Variants in MAD1L1 observed in about 807,000 individuals in gnomAD.
MAD1L1 encodes the protein mitotic arrest deficient 1 like 1.
A neutral mutation model predicts 96.9 loss-of-function variants in MAD1L1; 95 were observed. The ratio of observed to expected loss-of-function variants is 0.98; its 90% CI spans 0.83 to 1.16. The LOEUF is 1.16. Ranked by LOEUF, MAD1L1 falls within the 50% of genes most tolerant of loss-of-function variation. MAD1L1 has a pLI of 0.00. For missense variants in MAD1L1, 1,007 were observed against 954.4 expected (o/e 1.06, Z -0.73); for synonymous variants, 473 against 396.6 (o/e 1.19, Z -2.29).
chr7:2,125,091 C>T (rs1278327825), intron 11 of MAD1L1, among the ~76,000 whole-genome samples: 2 of 152,200 alleles, frequency 1.3e-5, no homozygotes, highest in African/African-American at 4.8e-5. Flanking sequence ...CCCAGGAAGT[C>T]CCTGCTGTCA....
intron 11 of MAD1L1, among the ~76,000 whole-genome samples, chr7:2,069,966 C>A: frequency 6.6e-6 from 1 of 152,234 alleles, no homozygotes; most frequent in Non-Finnish European, 1.5e-5. Flanking sequence ...GTGCTCGTTG[C>A]CTGTCACCTA....
intron 18 of MAD1L1, among the ~76,000 whole-genome samples, chr7:1,838,366 C>T (rs1222644797): frequency 6.6e-6 from 1 of 152,226 alleles, no homozygotes; most frequent in Non-Finnish European, 1.5e-5. Flanking sequence ...TTTCCACACA[C>T]AAGCTTGTAC....
chr7:1,877,229 G>A lies in MAD1L1; in HGVS notation c.1998+20971C>T, dbSNP rs187354428. On this transcript the variant is annotated intron_variant, in intron 18 of 18. Coordinates refer to ENST00000265854, the MANE Select transcript of MAD1L1 (RefSeq NM_001013836.2). Reference sequence around the variant, plus strand: ...CAATTCTGGCCCACCGCCCGCTTTTGTAATAAAGTTTTACTGGCACACATT... The same window carrying A: ...CAATTCTGGCCCACCGCCCGCTTTTATAATAAAGTTTTACTGGCACACATT... 6.5e-3 allele frequency among the ~76,000 whole-genome samples: 988 copies of A among 152,228 alleles called. 7 individuals are homozygous for A. The highest frequency in any genetic ancestry group is 0.051 in the Middle Eastern group (15 of 294).
At chr7:2,174,610 T>G (rs1160332293) in intron 10 of MAD1L1, among the ~76,000 whole-genome samples, 1 of 152,208 alleles carries the variant, frequency 6.6e-6, no homozygotes, top group African/African-American at 2.4e-5. Flanking sequence ...CTTTTTTTTC[T>G]TTCCGGATCT....
At chr7:1,933,690 A>T (rs1789612381) in intron 17 of MAD1L1, among the ~76,000 whole-genome samples, 1 of 152,226 alleles carries the variant, frequency 6.6e-6, no homozygotes, top group African/African-American at 2.4e-5. Context: ...CTGCACTTTA[A>T]GTATCACTGC....
At chr7:2,077,478 A>T (rs937816125) in intron 11 of MAD1L1, among the ~76,000 whole-genome samples, 4 of 152,144 alleles carry the variant, frequency 2.6e-5, no homozygotes, top group African/African-American at 7.2e-5. Context: ...GCACCCCCAT[A>T]GGGCTGGGGG....
intron 15 of MAD1L1, among the ~76,000 whole-genome samples, chr7:1,971,652 T>TA (rs1454213393): frequency 1.3e-5 from 2 of 152,014 alleles, no homozygotes; most frequent in Non-Finnish European, 1.5e-5. Context: ...AAAACAAGGG[T>TA]AAAGGTTTTG....
intron 12 of MAD1L1, among the ~76,000 whole-genome samples, chr7:2,023,174 C>T (rs956856793): frequency 2.0e-5 from 3 of 152,162 alleles, no homozygotes; most frequent in African/African-American, 7.2e-5. Context: ...TCAATAGCCC[C>T]ATCAATCAAC....
intron 12 of MAD1L1, among the ~76,000 whole-genome samples, chr7:2,062,826 C>T (rs1784720975): frequency 6.6e-6 from 1 of 152,274 alleles, no homozygotes; most frequent in Non-Finnish European, 1.5e-5. Flanking sequence ...ACACCTCACA[C>T]GTCAGGTCAC....
At chr7:2,194,573 C>T (rs1791890541) in intron 10 of MAD1L1, among the ~76,000 whole-genome samples, 1 of 152,086 alleles carries the variant, frequency 6.6e-6, no homozygotes, top group South Asian at 2.1e-4. Flanking sequence ...AAGGCAGAGC[C>T]AACTAATTGT....
At chr7:1,907,980 C>T (rs149128986) in intron 17 of MAD1L1, among the ~76,000 whole-genome samples, 2,135 of 152,324 alleles carry the variant, frequency 0.014, 47 homozygotes, top group African/African-American at 0.049. Context: ...CGGCCCGTGA[C>T]CCCAGAGCTC....
rs141804278 is a variant in MAD1L1, at chr7:2,130,143, G to A, written c.1073+19009C>T. 1.9e-3 allele frequency among the ~76,000 whole-genome samples: 288 copies of A among 152,370 alleles called. 1 individual carries two copies. The highest frequency in any genetic ancestry group is 6.8e-3 in the African/African-American group (281 of 41,588). ...GTCAGGAGGCAAATGCCCTCCTCTT[G>A]GATTTCCCTGCCCTGCCTTCGGCCC... On this transcript the variant is annotated intron_variant, in intron 11 of 18. Transcript: ENST00000265854.
intron 11 of MAD1L1, among the ~76,000 whole-genome samples, chr7:2,136,774 C>T (rs1340417451): frequency 6.6e-6 from 1 of 152,222 alleles, no homozygotes; most frequent in African/African-American, 2.4e-5. Context: ...GGAAAGCGTA[C>T]TCCAATCGCC....
chr7:1,900,421 C>G (rs907211328), intron 17 of MAD1L1, among the ~76,000 whole-genome samples: 1 of 152,210 alleles, frequency 6.6e-6, no homozygotes, highest in Non-Finnish European at 1.5e-5. Context: ...CAGCCCTCGC[C>G]CCAACCTGGC....
intron 11 of MAD1L1, among the ~76,000 whole-genome samples, chr7:2,081,850 G>A (rs936225801): frequency 1.3e-5 from 2 of 152,250 alleles, no homozygotes; most frequent in Middle Eastern, 3.2e-3. Context: ...GGGAGGCTGG[G>A]CCTTCATGCG....
chr7:1,963,968 T>A (rs757875814), intron 15 of MAD1L1, among the ~76,000 whole-genome samples: 1 of 152,170 alleles, frequency 6.6e-6, no homozygotes, highest in African/African-American at 2.4e-5. Flanking sequence ...GCCCCGCAAG[T>A]GCTGTGGCTT....
At chr7:2,231,706 G>A (rs1794198323) in intron 1 of MAD1L1, among the ~76,000 whole-genome samples, 1 of 152,088 alleles carries the variant, frequency 6.6e-6, no homozygotes. Context: ...TCACAGCTGT[G>A]CTCATTTTCA....
chr7:1,893,216 C>T (rs1251452292), intron 18 of MAD1L1, among the ~76,000 whole-genome samples: 1 of 152,200 alleles, frequency 6.6e-6, no homozygotes, highest in Non-Finnish European at 1.5e-5. Flanking sequence ...AGGCAGCCAG[C>T]TCCCTCCACC....
intron 11 of MAD1L1, among the ~76,000 whole-genome samples, chr7:2,136,317 C>G (rs577262423): frequency 6.6e-6 from 1 of 152,328 alleles, no homozygotes; most frequent in South Asian, 2.1e-4. Context: ...CAGCCCTGAG[C>G]TCACAAGCAG....
Sources: allele counts gnomAD v4.1 joint callset (sites outside exome capture counted in the v4.1 genomes callset), GRCh38; gene constraint gnomAD v4.1.1; transcripts MANE v1.5; gene names NCBI Gene and HGNC (gene_info 2026-07-23, HGNC 2026-07-21).